Variants in TEX11 observed in about 807,000 individuals in gnomAD.
TEX11 encodes testis expressed 11.
TEX11 carries 7 observed loss-of-function variants against 84.4 expected under a neutral mutation model. The observed-to-expected ratio is 0.08, with a 90% CI of 0.05 to 0.16. The LOEUF is 0.16. Among genes scored for constraint, TEX11 ranks in the 10% least tolerant of loss-of-function variants. The pLI is 1.00. For missense variants in TEX11, 551 were observed against 660.5 expected (o/e 0.83, Z 1.82); for synonymous variants, 264 against 222.8 (o/e 1.18, Z -1.64).
At chrX:70,731,464 A>C (rs2090650187) in intron 11 of TEX11, among the ~76,000 whole-genome samples, 1 of 111,238 alleles carries the variant, frequency 9.0e-6, no homozygotes, top group Non-Finnish European at 1.9e-5. Context: ...AAAAATGATA[A>C]AGGGGATATC....
At chrX:70,791,025 T>C (rs1480412615) in intron 9 of TEX11, among the ~76,000 whole-genome samples, 1 of 111,822 alleles carries the variant, frequency 8.9e-6, no homozygotes, top group Admixed American at 9.5e-5. Context: ...GTGGCACATA[T>C]ACACCATGGA....
At chrX:70,535,285 G>A (rs2087941378) in intron 28 of TEX11, among the ~76,000 whole-genome samples, 2 of 111,900 alleles carry the variant, frequency 1.8e-5, no homozygotes, top group African/African-American at 6.5e-5. Flanking sequence ...CATTTGCTAT[G>A]AGTCTTTGGA....
At chrX:70,843,645 A>G (rs775632530) in intron 7 of TEX11, among the ~76,000 whole-genome samples, 3 of 111,892 alleles carry the variant, frequency 2.7e-5, no homozygotes. Flanking sequence ...GCACAGCAAA[A>G]GGAACTACCA....
intron 17 of TEX11, among the ~76,000 whole-genome samples, chrX:70,640,403 C>T (rs1387481292): frequency 9.6e-6 from 1 of 103,903 alleles, no homozygotes; most frequent in Non-Finnish European, 2.0e-5. Context: ...CGTTCAGATT[C>T]AGGAAATACA....
At chrX:70,817,250 TATATACAC>T (rs1469165128) in intron 8 of TEX11, among the ~76,000 whole-genome samples, 2 of 91,417 alleles carry the variant, frequency 2.2e-5, no homozygotes, top group African/African-American at 8.1e-5. Flanking sequence ...CACACATATA[TATATACAC>T]ACACACACAC....
chrX:70,626,466 C>G (rs982276708), intron 18 of TEX11, among the ~76,000 whole-genome samples: 1 of 110,909 alleles, frequency 9.0e-6, no homozygotes, highest in African/African-American at 3.3e-5. Context: ...CTGACTCCAG[C>G]AATCCTTCAA....
At chrX:70,607,252 G>A (rs1220030916) in intron 22 of TEX11, among the ~76,000 whole-genome samples, 2 of 111,024 alleles carry the variant, frequency 1.8e-5, no homozygotes, top group African/African-American at 6.6e-5. Flanking sequence ...ATGACCAAGG[G>A]AGGTACTGCT....
chrX:70,596,329 T>C (rs1192549172), intron 24 of TEX11, among the ~76,000 whole-genome samples: 1 of 111,714 alleles, frequency 9.0e-6, no homozygotes, highest in Non-Finnish European at 1.9e-5. Flanking sequence ...AAGTAGAATG[T>C]ACATTCTTCT....
intron 28 of TEX11, among the ~76,000 whole-genome samples, chrX:70,547,027 C>CAAAAAAA (rs58220663): frequency 3.0e-5 from 1 of 33,869 alleles, no homozygotes; most frequent in African/African-American, 1.3e-4. Context: ...TATTATTCAG[C>CAAAAAAA]AAAAAAAAAA....
intron 9 of TEX11, among the ~76,000 whole-genome samples, chrX:70,751,865 T>C (rs1387898250): frequency 1.8e-5 from 2 of 112,396 alleles, no homozygotes; most frequent in Non-Finnish European, 3.8e-5. Flanking sequence ...CTAGTAATTA[T>C]GGAGGTAATT....
intron 16 of TEX11, among the ~76,000 whole-genome samples, chrX:70,661,632 G>A (rs2089928388): frequency 9.0e-6 from 1 of 111,640 alleles, no homozygotes; most frequent in Admixed American, 9.5e-5. Flanking sequence ...CCCCAGTAGG[G>A]GCAGACTGAC....
At chrX:70,860,198 G>A (rs183276311) in intron 5 of TEX11, among the ~76,000 whole-genome samples, 222 of 111,090 alleles carry the variant, frequency 2.0e-3, no homozygotes, top group African/African-American at 6.8e-3. Flanking sequence ...AAACACACAA[G>A]GTGAACCCTG....
At chrX:70,722,992 G>C (rs2147720352) in intron 12 of TEX11, among the ~76,000 whole-genome samples, 1 of 111,685 alleles carries the variant, frequency 9.0e-6, no homozygotes, top group East Asian at 2.8e-4. Context: ...TCTGAAGTCA[G>C]ACAGATCTAA....
chrX:70,603,970 A>G (rs923112612), intron 24 of TEX11, among the ~76,000 whole-genome samples: 6 of 112,342 alleles, frequency 5.3e-5, no homozygotes, highest in Non-Finnish European at 9.4e-5. Context: ...GATAAAAGGC[A>G]GAAGTGCATC....
At chrX:70,697,622 G>A (rs899211831) in intron 13 of TEX11, among the ~76,000 whole-genome samples, 2 of 112,001 alleles carry the variant, frequency 1.8e-5, no homozygotes, top group Non-Finnish European at 3.8e-5. Flanking sequence ...CTAACCTTAT[G>A]TAAAATGATG....
rs184131691 is a variant in TEX11, at chrX:70,591,287, G to A, written c.2140+464C>T. ...TACAGAGTCAATACTGATATAGAGT[G>A]GGGAAAAAATCAGCTCTTAAAGAAT... On this transcript the variant is annotated intron_variant, in intron 25 of 29. Transcript: ENST00000374333. 2.7e-3 allele frequency among the ~76,000 whole-genome samples: 299 copies of A among 110,700 alleles called. 3 individuals carry two copies. The highest frequency in any genetic ancestry group is 9.1e-3 in the African/African-American group (277 of 30,523).
At chrX:70,806,141 G>A (rs763214746) in intron 9 of TEX11, among the ~76,000 whole-genome samples, 1 of 112,219 alleles carries the variant, frequency 8.9e-6, no homozygotes, top group South Asian at 3.7e-4. Context: ...TGAAGAGAGA[G>A]GAGTAAGCTC....
intron 25 of TEX11, among the ~76,000 whole-genome samples, chrX:70,587,311 C>A (rs1456035223): frequency 8.9e-6 from 1 of 112,254 alleles, no homozygotes; most frequent in Non-Finnish European, 1.9e-5. Flanking sequence ...GGCAGCTCCT[C>A]CCATCACAGG....
At chrX:70,661,597 C>G (rs1360770571) in intron 16 of TEX11, among the ~76,000 whole-genome samples, 1 of 111,917 alleles carries the variant, frequency 8.9e-6, no homozygotes, top group Non-Finnish European at 1.9e-5. Context: ...TCCCTGACCC[C>G]CAAGTAGCCT....
Sources: allele counts gnomAD v4.1 joint callset (sites outside exome capture counted in the v4.1 genomes callset), GRCh38; gene constraint gnomAD v4.1.1; transcripts MANE v1.5; gene names NCBI Gene and HGNC (gene_info 2026-07-23, HGNC 2026-07-21).